CCDC178: variants seen among roughly 807,000 people sequenced by gnomAD.
CCDC178 encodes coiled-coil domain-containing protein 178.
Under a neutral mutation model 117.4 loss-of-function variants are expected in CCDC178, and 126 were observed. The observed-to-expected ratio is 1.07, with a 90% CI of 0.93 to 1.24. CCDC178 has a LOEUF of 1.24. Among genes scored for constraint, CCDC178 ranks in the 50% most tolerant of loss-of-function variants. CCDC178 has a pLI of 0.00. For synonymous variants in CCDC178, 283 were observed against 313.4 expected, an observed-to-expected ratio of 0.90 and a Z score of 1.02; for missense variants, 1,030 against 986.9, an observed-to-expected ratio of 1.04 and a Z score of -0.59.
rs373519668 is a variant in CCDC178, at chr18:33,267,037, T to C, written c.1288A>G (p.Ile430Val). Residue 430 changes from isoleucine (I) to valine (V), a missense_variant, in exon 14 of 23, where the codon ATT (isoleucine) becomes GTT (valine). Transcript: ENST00000383096. ...DFYAAKKTWD[I>V]ELSDVAKDFS... ...TCTTTTGCAACATCAGAAAGCTCAA[T>C]ATCCCATGTTTTTTTCTTTAAGAAA... is the stretch of plus-strand genomic sequence containing the variant. The C allele has an allele frequency of 3.1e-6, 5 of 1,588,060 alleles. No individual in the cohort carries two copies. The African/African-American group carries it at 6.8e-5, about 22-fold the overall frequency.
chr18:33,328,082 GATTTTTTTTTTTTT>G (rs555614600), intron 10 of CCDC178: 3,836 of 249,030 alleles, frequency 0.015, 525 homozygotes, highest in African/African-American at 0.12. Context: ...TTTATCCCTA[GATTTTTTTTTTTTT>G]TTTTTTTTTT....
intron 11 of CCDC178, among the ~76,000 whole-genome samples, chr18:33,319,822 C>T (rs2062478123): frequency 6.6e-6 from 1 of 152,190 alleles, no homozygotes; most frequent in African/African-American, 2.4e-5. Flanking sequence ...TGTCTGTTGG[C>T]TGCATAAATG....
chr18:33,323,954 C>A (rs932957009), intron 10 of CCDC178, among the ~76,000 whole-genome samples: 1 of 151,668 alleles, frequency 6.6e-6, no homozygotes, highest in East Asian at 1.9e-4. Context: ...GATGAAATAT[C>A]GCAAACAAAG....
At chr18:33,020,629 GTTT>G (rs898643422) in intron 21 of CCDC178, among the ~76,000 whole-genome samples, 4 of 152,102 alleles carry the variant, frequency 2.6e-5, no homozygotes, top group African/African-American at 9.7e-5. Flanking sequence ...CAATGGGAAT[GTTT>G]TCAATTTTAT....
intron 20 of CCDC178, among the ~76,000 whole-genome samples, chr18:33,150,157 A>G (rs1050450849): frequency 9.9e-5 from 15 of 152,198 alleles, no homozygotes; most frequent in Admixed American, 9.2e-4. Flanking sequence ...CCTAGTCTAT[A>G]TGGTGCTGGG....
intron 11 of CCDC178, among the ~76,000 whole-genome samples, chr18:33,319,832 G>T (rs1315418031): frequency 2.0e-5 from 3 of 152,138 alleles, no homozygotes; most frequent in Non-Finnish European, 4.4e-5. Flanking sequence ...CTGCATAAAT[G>T]TCTTCTTTTG....
intron 21 of CCDC178, among the ~76,000 whole-genome samples, chr18:33,061,820 G>A (rs895374197): frequency 2.0e-5 from 3 of 151,948 alleles, no homozygotes; most frequent in African/African-American, 7.3e-5. Context: ...GATTTGGCAT[G>A]GTAGACATCT....
In CCDC178 at chr18:32,937,802, G is replaced by A. The variant is rs1022253746; in HGVS notation, c.*209C>T. ...AGTCACCCAGAGCTGAAATTAGATCGTTCCTGACAGCAGCATGAAAGTCAC... is the reference window on the plus strand; with the variant it reads ...AGTCACCCAGAGCTGAAATTAGATCATTCCTGACAGCAGCATGAAAGTCAC... On this transcript the variant is annotated 3_prime_UTR_variant, in exon 23 of 23. Transcript: ENST00000383096. The A allele has an allele frequency of 5.7e-6, 3 of 524,460 alleles. No homozygotes were observed. The highest frequency in any genetic ancestry group is 5.7e-5 in the South Asian group (2 of 35,372). 32.5% of individuals were successfully genotyped at this position (524,460 alleles called of 1,614,324 possible).
chr18:33,402,511 C>T (rs186404306), intron 3 of CCDC178, among the ~76,000 whole-genome samples: 2 of 152,228 alleles, frequency 1.3e-5, no homozygotes, highest in Non-Finnish European at 2.9e-5. Context: ...TTAGAAATAC[C>T]TGGTTATTCC....
chr18:33,177,848 C>G (rs1213511764), intron 20 of CCDC178, among the ~76,000 whole-genome samples: 1 of 152,086 alleles, frequency 6.6e-6, no homozygotes, highest in Non-Finnish European at 1.5e-5. Flanking sequence ...TCTGTAGAAA[C>G]CATTTTTTTA....
intron 9 of CCDC178, among the ~76,000 whole-genome samples, chr18:33,337,651 A>G (rs1376552284): frequency 6.6e-6 from 1 of 152,314 alleles, no homozygotes; most frequent in East Asian, 1.9e-4. Flanking sequence ...AACAACATAA[A>G]GTGAGGAAAG....
At chr18:33,344,854 C>CAT (rs1196214409) in intron 9 of CCDC178, among the ~76,000 whole-genome samples, 2 of 100,764 alleles carry the variant, frequency 2.0e-5, no homozygotes, top group South Asian at 3.2e-4. Flanking sequence ...CACACACACA[C>CAT]ATATATTTAT....
At chr18:33,081,314 A>T (rs1286994676) in intron 21 of CCDC178, among the ~76,000 whole-genome samples, 2 of 152,200 alleles carry the variant, frequency 1.3e-5, no homozygotes, top group Non-Finnish European at 2.9e-5. Flanking sequence ...TAGCTTTCTG[A>T]GTTAGTGACA....
intron 5 of CCDC178, among the ~76,000 whole-genome samples, chr18:33,378,554 A>G (rs1266421349): frequency 1.3e-5 from 2 of 151,684 alleles, no homozygotes; most frequent in East Asian, 3.9e-4. Context: ...CTCATTCAGT[A>G]TGATGCTGGC....
chr18:33,063,450 GC>G (rs1448158928), intron 21 of CCDC178, among the ~76,000 whole-genome samples: 1 of 152,126 alleles, frequency 6.6e-6, no homozygotes, highest in Non-Finnish European at 1.5e-5. Context: ...GTGTATGCAT[GC>G]ACCATACAGG....
At chr18:33,223,489 TATA>T (rs1462530938) in intron 17 of CCDC178, among the ~76,000 whole-genome samples, 3 of 152,164 alleles carry the variant, frequency 2.0e-5, no homozygotes, top group South Asian at 2.1e-4. Flanking sequence ...GAATATTTGT[TATA>T]ATATTTGTTT....
At chr18:33,178,882 A>G (rs1262250097) in intron 20 of CCDC178, among the ~76,000 whole-genome samples, 1 of 150,904 alleles carries the variant, frequency 6.6e-6, no homozygotes, top group Non-Finnish European at 1.5e-5. Flanking sequence ...CCCCACATTT[A>G]TCACCCTGTA....
intron 16 of CCDC178, among the ~76,000 whole-genome samples, 163 bp from the exon 17 acceptor site, chr18:33,225,099 A>G (rs1465342142): frequency 1.3e-5 from 2 of 149,400 alleles, no homozygotes; most frequent in Non-Finnish European, 3.0e-5. Flanking sequence ...TATTACATAT[A>G]TTATATTACA....
chr18:33,128,993 C>A (rs1471137967), intron 20 of CCDC178, among the ~76,000 whole-genome samples: 2 of 151,932 alleles, frequency 1.3e-5, no homozygotes, highest in African/African-American at 4.8e-5. Context: ...AGAATGAAAC[C>A]GTTATGAGAT....
Sources: allele counts gnomAD v4.1 joint callset (sites outside exome capture counted in the v4.1 genomes callset), GRCh38; gene constraint gnomAD v4.1.1; transcripts MANE v1.5; gene names NCBI Gene and HGNC (gene_info 2026-07-23, HGNC 2026-07-21).